Variants in RBP5 observed in about 807,000 individuals in gnomAD.
The protein encoded by RBP5 is retinol-binding protein 5.
Under a neutral mutation model 17.8 loss-of-function variants are expected in RBP5, and 12 were observed. The observed-to-expected ratio is 0.67, with a 90% CI of 0.43 to 1.09. The LOEUF (loss-of-function observed/expected upper bound fraction) is 1.09. Ranked by LOEUF, RBP5 falls within the 50% of genes least tolerant of loss-of-function variation. The pLI, the probability that RBP5 is intolerant of heterozygous loss-of-function variation, is 0.00. For synonymous variants in RBP5, 64 were observed against 68.1 expected (o/e 0.94, Z 0.30); for missense variants, 172 against 169.4 (o/e 1.02, Z -0.09).
Position 7,124,605 on chromosome 12 carries a change from A to C in RBP5, c.354+24T>G. On this transcript the variant is annotated intron_variant, in intron 3 of 3. Transcript: ENST00000266560. This position sits in a 1 kb window ranked among gnomAD's most constrained non-coding sequence, Gnocchi z 5.3. ...TTATAGCTGGAGGCCCTTCTCCCAGACACCCAGCCCCCACCCCATTTACCA... is the reference window on the plus strand; with the variant it reads ...TTATAGCTGGAGGCCCTTCTCCCAGCCACCCAGCCCCCACCCCATTTACCA... The C allele has an allele frequency of 7.3e-7, 1 of 1,364,840 alleles. No homozygotes were observed. Among genetic ancestry groups the C allele is most frequent in the Non-Finnish European group, 1.0e-6 (1 of 954,838 alleles). 84.5% of individuals were successfully genotyped at this position (1,364,840 alleles called of 1,614,324 possible).
rs369931970 is a variant in RBP5 at position 7,124,094 on chromosome 12, T to A, written c.*27A>T. The A allele has an allele frequency of 9.4e-5, 152 of 1,610,228 alleles. No homozygotes were observed. The highest frequency in any genetic ancestry group is 1.2e-4 in the Non-Finnish European group (138 of 1,176,744). On this transcript the variant is annotated 3_prime_UTR_variant, in exon 4 of 4. Transcript: ENST00000266560. The surrounding 1 kb of genome is among the most constrained non-coding windows in gnomAD (Gnocchi z 5.3). ...CAAGAGCGTCTGTGAGCTGGTGCTG[T>A]CTGGAGGGATCTTGGCTCCTCTCCG...
In RBP5 at chr12:7,126,988, AT is replaced by A. The variant is rs35155124; in HGVS notation, c.252+1251del. On this transcript the variant is annotated intron_variant, in intron 2 of 3. Coordinates refer to ENST00000266560, the MANE Select transcript of RBP5 (RefSeq NM_031491.4). The stretch of plus-strand genomic sequence containing the variant: ...GCCCGGCTAATTTTTGTACTTTTGT[AT>A]TTTTTTTTTTTTTTTTTTTTGAGAT... Among the ~76,000 whole-genome samples the A allele has an allele frequency of 3.4e-3, 298 of 86,522 alleles. 2 individuals carry two copies. Among genetic ancestry groups the A allele is most frequent in the South Asian group, 0.015 (37 of 2,510 alleles). 56.8% of individuals were successfully genotyped at this position (86,522 alleles called of 152,430 possible).
At chr12:7,129,557 G>A, upstream of RBP5, 1 of 944,184 alleles carries the variant, frequency 1.1e-6, no homozygotes, top group Non-Finnish European at 1.3e-6. This position sits in a 1 kb window ranked among gnomAD's most constrained non-coding sequence, Gnocchi z 5.5. Context: ...GGGACCCAGG[G>A]GGTTTTCTCT....
chr12:7,124,267 T>C lies in RBP5; in HGVS notation c.355-93A>G, dbSNP rs979157977. 3 of 1,101,448 alleles carry C rather than the reference T, an allele frequency of 2.7e-6. No homozygotes were observed. Among genetic ancestry groups the C allele is most frequent in the Non-Finnish European group, 4.2e-6 (3 of 722,856 alleles). The allele number at this position is 1,101,448 out of a possible 1,614,324, so 68.2% of individuals were successfully genotyped here. On this transcript the variant is annotated intron_variant, in intron 3 of 3. Transcript: ENST00000266560. This position sits in a 1 kb window ranked among gnomAD's most constrained non-coding sequence, Gnocchi z 5.3. ...AGGTCCTTGACCTCCATTTACTCCT[T>C]CCGGATACAGCAGCTTGAGTGTTTG...
chr12:7,124,782 T>C lies in RBP5; in HGVS notation c.253-52A>G, dbSNP rs1183303077. On this transcript the variant is annotated intron_variant, in intron 2 of 3. Transcript: ENST00000266560. This position sits in a 1 kb window ranked among gnomAD's most constrained non-coding sequence, Gnocchi z 5.3. ...AGATTAGGAGGCAGGACACTCAAAA[T>C]GCTTCCCATCTCACTCTGAATGGGC... 5 of 1,074,512 alleles carry C rather than the reference T, an allele frequency of 4.7e-6. No homozygotes were observed. Among genetic ancestry groups the C allele is most frequent in the Non-Finnish European group, 5.8e-6 (4 of 691,288 alleles). 66.6% of individuals were successfully genotyped at this position (1,074,512 alleles called of 1,614,324 possible). A position where few individuals can be genotyped will look rare whatever the true frequency, so the allele number is the denominator to read the frequency against.
chr12:7,126,680 A>G lies in RBP5; in HGVS notation c.252+1560T>C, dbSNP rs138237687. On this transcript the variant is annotated intron_variant, in intron 2 of 3. Coordinates refer to ENST00000266560, the MANE Select transcript of RBP5 (RefSeq NM_031491.4). ...AAAAGTGGGGTAGGTTTGGATAGGAAGACAGTGAATTTGAATTTGACCTTG... is the reference window on the plus strand; with the variant it reads ...AAAAGTGGGGTAGGTTTGGATAGGAGGACAGTGAATTTGAATTTGACCTTG... Among the ~76,000 whole-genome samples the G allele has an allele frequency of 5.6e-3, 858 of 152,224 alleles. 4 individuals carry two copies. Among genetic ancestry groups the G allele is most frequent in the African/African-American group, 0.019 (793 of 41,522 alleles).
chr12:7,128,702 C>T lies in RBP5; in HGVS notation c.73+1G>A. 6.3e-7 allele frequency: 1 copy of T among 1,597,622 alleles called. No individual in the cohort carries two copies. Among genetic ancestry groups the T allele is most frequent in the Non-Finnish European group, 8.5e-7 (1 of 1,171,644 alleles). ...GGGGTCTGGGAGGGCGAGGCCATTACTTAGGGCTTGCAGGTAGTCCTCCAT... is the reference window on the plus strand; with the variant it reads ...GGGGTCTGGGAGGGCGAGGCCATTATTTAGGGCTTGCAGGTAGTCCTCCAT... On this transcript the variant is annotated splice_donor_variant, in intron 1 of 3. Transcript: ENST00000266560. LOFTEE classifies it high-confidence loss of function. The surrounding 1 kb of genome is among the most constrained non-coding windows in gnomAD (Gnocchi z 5.3).
chr12:7,119,986 A>C (rs891010992), downstream of RBP5, among the ~76,000 whole-genome samples: 29 of 151,992 alleles, frequency 1.9e-4, no homozygotes, highest in African/African-American at 3.6e-4. Context: ...TTGTCCATGA[A>C]CCCAATGGCC....
chr12:7,119,712 A>T (rs1939053515), downstream of RBP5, among the ~76,000 whole-genome samples: 2 of 152,212 alleles, frequency 1.3e-5, no homozygotes, highest in South Asian at 4.1e-4. Context: ...GCAAGTAATG[A>T]TAGCCAGCAT....
downstream of RBP5, chr12:7,123,631 T>C (rs188909400): frequency 6.4e-6 from 1 of 156,300 alleles, no homozygotes; most frequent in African/African-American, 2.4e-5. Context: ...CCTGGTTTTG[T>C]TGAGCACATG....
chr12:7,127,434 C>T (rs1397792874), intron 2 of RBP5: 16 of 478,582 alleles, frequency 3.3e-5, no homozygotes, highest in Non-Finnish European at 5.3e-5. Flanking sequence ...CCAGCCTTTT[C>T]CCATATGCTT....
At position 7,124,960 on chromosome 12, in the gene RBP5, G is replaced by A. The variant is rs1210449550; in HGVS notation, c.253-230C>T. 6.6e-6 allele frequency among the ~76,000 whole-genome samples: 1 copy of A among 152,164 alleles called. No individual in the cohort carries two copies. The highest frequency in any genetic ancestry group is 2.4e-5 in the African/African-American group (1 of 41,420). On this transcript the variant is annotated intron_variant, in intron 2 of 3. Coordinates refer to ENST00000266560, the MANE Select transcript of RBP5 (RefSeq NM_031491.4). This position sits in a 1 kb window ranked among gnomAD's most constrained non-coding sequence, Gnocchi z 5.3. The stretch of plus-strand genomic sequence containing the variant: ...CTTGCTCTGTCACCCAGGCTGGAGT[G>A]CAGTGGCAGGATCTCGGCTCACTGC...
Position 7,124,118 on chromosome 12 carries a change from C to CCT in RBP5, c.*2_*3insAG. ...GTCTGGAGGGATCTTGGCTCCTCTCCGGCTATCTGACCTTCCTGAAGACCT... is the reference window on the plus strand; with the variant it reads ...GTCTGGAGGGATCTTGGCTCCTCTCCCTGGCTATCTGACCTTCCTGAAGACCT... On this transcript the variant is annotated 3_prime_UTR_variant, in exon 4 of 4. Transcript: ENST00000266560. This position sits in a 1 kb window ranked among gnomAD's most constrained non-coding sequence, Gnocchi z 5.3. The CCT allele has an allele frequency of 1.2e-6, 2 of 1,613,794 alleles. No individual in the cohort carries two copies. The highest frequency in any genetic ancestry group is 1.7e-6 in the Non-Finnish European group (2 of 1,179,774).
At chr12:7,129,849 G>A, upstream of RBP5, 1 of 978,404 alleles carries the variant, frequency 1.0e-6, no homozygotes, top group South Asian at 4.7e-5. The surrounding 1 kb of genome is among the most constrained non-coding windows in gnomAD (Gnocchi z 5.5). Context: ...AGGGGTGCAC[G>A]ACGTCCTGCC....
rs1469186261 is a variant in RBP5 at position 7,117,854 on chromosome 12, T to A, written n.890-547A>T. On this transcript the variant is annotated intron_variant and non_coding_transcript_variant, in intron 3 of 3. Coordinates refer to the RBP5 transcript ENST00000619522. This position sits in a 1 kb window ranked among gnomAD's most constrained non-coding sequence, Gnocchi z 4.9. Reference sequence around the variant, plus strand: ...TCCAGATCTCAGATCTCCCACACCCTGTGGGCTCTGTGTGGACTTTCGTCC... The same window carrying A: ...TCCAGATCTCAGATCTCCCACACCCAGTGGGCTCTGTGTGGACTTTCGTCC... 6.6e-6 allele frequency: 1 copy of A among 152,140 alleles called. No homozygotes were observed. The highest frequency in any genetic ancestry group is 2.4e-5 in the African/African-American group (1 of 41,434). 9.4% of individuals were successfully genotyped at this position (152,140 alleles called of 1,614,324 possible).
At chr12:7,120,447 G>A (rs1939064931), downstream of RBP5, 1 of 155,520 alleles carries the variant, frequency 6.4e-6, no homozygotes, top group Non-Finnish European at 1.5e-5. Flanking sequence ...TACCACTGTT[G>A]TTTCTTTCTT....
chr12:7,127,491 T>C, intron 2 of RBP5: 1 of 594,484 alleles, frequency 1.7e-6, no homozygotes, highest in Non-Finnish European at 3.0e-6. Context: ...ATGTACATGC[T>C]CTGTAAATAG....
chr12:7,126,466 C>T (rs142008768), intron 2 of RBP5, among the ~76,000 whole-genome samples: 22 of 144,700 alleles, frequency 1.5e-4, no homozygotes, highest in African/African-American at 5.8e-4. Flanking sequence ...AGAAAAGCTA[C>T]AAAGATTTCT....
downstream of RBP5, chr12:7,120,857 C>G (rs1169141452): frequency 6.6e-6 from 1 of 152,010 alleles, no homozygotes. Flanking sequence ...GAAACCCAGT[C>G]TTTACTAAAA....
Sources: gnomAD v4.1 joint callset for allele counts (sites outside exome capture counted in the v4.1 genomes callset) on GRCh38, gnomAD v4.1.1 for gene constraint, Gnocchi (gnomAD v3.1) non-coding constraint, MANE v1.5 for transcripts, NCBI Gene and HGNC (gene_info 2026-07-23, HGNC 2026-07-21) for gene names.